RREB1: variants seen among roughly 807,000 people sequenced by gnomAD.
The protein encoded by RREB1 is ras responsive element binding protein 1, also known as ras-responsive element-binding protein 1.
A neutral mutation model predicts 117.8 loss-of-function variants in RREB1; 27 were observed. The ratio of observed to expected loss-of-function variants is 0.23; its 90% CI spans 0.17 to 0.32. RREB1 has a LOEUF of 0.32. RREB1 is among the 10% of genes least tolerant of loss of function. The probability of loss-of-function intolerance (pLI) is 1.00; values close to 1 mark genes in which losing one functional copy is unlikely to be tolerated. For missense variants in RREB1, 2,577 were observed against 2,378.2 expected (o/e 1.08, Z -1.74); for synonymous variants, 1,298 against 1,026.7 (o/e 1.26, Z -5.05).
intron 10 of RREB1, among the ~76,000 whole-genome samples, chr6:7,236,274 G>A (rs1328053146): frequency 6.6e-6 from 1 of 152,160 alleles, no homozygotes; most frequent in East Asian, 1.9e-4. Flanking sequence ...ATGGGCTTGG[G>A]ACTATGGGGT....
At position 7,229,487 on chromosome 6, in the gene RREB1, C is replaced by T. The variant is rs753485408; in HGVS notation, c.1388C>T (p.Ser463Leu). 6 of 1,614,150 alleles carry T rather than the reference C, an allele frequency of 3.7e-6. No homozygotes were observed. Among genetic ancestry groups the T allele is most frequent in the East Asian group, 2.2e-5 (1 of 44,888 alleles). ...GTGGTCAAGCCCATCTCTGGCGAGT[C>T]GGCCATCGAGCTGGCAGACATCCAG... Reference protein sequence around the residue: ...SIVVKPISGESAIELADIQQI... With the variant: ...SIVVKPISGELAIELADIQQI... Residue 463 changes from serine (S) to leucine (L), a missense_variant, in exon 10 of 13, where the codon TCG (serine) becomes TTG (leucine). Physicochemically the swap from Ser to Leu is moderately radical, Grantham distance 145 (BLOSUM62 -2). Transcript: ENST00000379938. This position sits in a 1 kb window ranked among gnomAD's most constrained non-coding sequence, Gnocchi z 4.5.
At chr6:7,132,086 C>T (rs1465967058) in intron 1 of RREB1, among the ~76,000 whole-genome samples, 2 of 152,032 alleles carry the variant, frequency 1.3e-5, no homozygotes, top group Non-Finnish European at 2.9e-5. Flanking sequence ...CAGAGTTTTG[C>T]TCTTGTTGCC....
intron 8 of RREB1, 62 bp downstream of exon 8, chr6:7,211,771 C>T: frequency 6.4e-7 from 1 of 1,562,184 alleles, no homozygotes; most frequent in Non-Finnish European, 8.8e-7. Context: ...TGACAATGTT[C>T]TTAAGTCCCG....
rs1581604518 is a variant in RREB1, at chr6:7,249,222, T to C, written c.*254T>C. 2.2e-6 allele frequency: 1 copy of C among 454,902 alleles called. No individual in the cohort carries two copies. Among genetic ancestry groups the C allele is most frequent in the East Asian group, 3.3e-5 (1 of 30,418 alleles). 28.2% of individuals were successfully genotyped at this position (454,902 alleles called of 1,614,324 possible). ...CTTACCGGATCCCTCCATATTATCA[T>C]GGGTGTTGTATTTTTCCAAAATGAC... On this transcript the variant is annotated 3_prime_UTR_variant, in exon 13 of 13. Coordinates refer to ENST00000379938, the MANE Select transcript of RREB1 (RefSeq NM_001003699.4).
chr6:7,156,619 G>A (rs529392962), intron 1 of RREB1, among the ~76,000 whole-genome samples: 1 of 152,172 alleles, frequency 6.6e-6, no homozygotes, highest in Non-Finnish European at 1.5e-5. Context: ...TCTCCTTTTG[G>A]AGACCTGGTG....
chr6:7,181,407 C>T (rs560014209), intron 3 of RREB1, 161 bp downstream of exon 3: 300 of 400,988 alleles, frequency 7.5e-4, no homozygotes, highest in Non-Finnish European at 1.1e-3. Context: ...TTCAGGCTCC[C>T]CATCAGAATC....
chr6:7,124,110 T>C (rs1490618099), intron 1 of RREB1, among the ~76,000 whole-genome samples: 2 of 152,194 alleles, frequency 1.3e-5, no homozygotes, highest in African/African-American at 4.8e-5. Context: ...ACCGGGGTGG[T>C]CACCCGTCTG....
rs908093536 is a variant in RREB1, at chr6:7,229,750, A to G, written c.1651A>G (p.Lys551Glu). ...GCCGCCACCGCCCCTGAAGCTCCTCAAAGGCTCAGTGGAGGCGGCCTCCAA... is the reference window on the plus strand; with the variant it reads ...GCCGCCACCGCCCCTGAAGCTCCTCGAAGGCTCAGTGGAGGCGGCCTCCAA... Reference protein sequence around the residue: ...SLPPPPLKLLKGSVEAASNAH... With the variant: ...SLPPPPLKLLEGSVEAASNAH... The change falls in exon 10 of 13, where the codon AAA becomes GAA. Residue 551 changes from lysine (K) to glutamate (E), a missense_variant. Lys to Glu is a moderately conservative substitution (Grantham distance 56). Coordinates refer to ENST00000379938, the MANE Select transcript of RREB1 (RefSeq NM_001003699.4). This position sits in a 1 kb window ranked among gnomAD's most constrained non-coding sequence, Gnocchi z 4.5. 1 of 1,604,152 alleles carries G rather than the reference A, an allele frequency of 6.2e-7. No individual in the cohort carries two copies. Among genetic ancestry groups the G allele is most frequent in the Admixed American group, 1.7e-5 (1 of 59,494 alleles).
intron 6 of RREB1, among the ~76,000 whole-genome samples, chr6:7,196,030 C>G (rs542087040): frequency 1.3e-5 from 2 of 152,162 alleles, no homozygotes; most frequent in African/African-American, 4.8e-5. Context: ...CAGTTGACAA[C>G]TACACAGCTT....
At chr6:7,201,689 T>G (rs1367922516) in intron 6 of RREB1, among the ~76,000 whole-genome samples, 1 of 152,124 alleles carries the variant, frequency 6.6e-6, no homozygotes, top group African/African-American at 2.4e-5. Context: ...TGGAGACAGA[T>G]TTTGTATTTC....
At position 7,240,506 on chromosome 6, in the gene RREB1, C is replaced by G; in HGVS notation, c.3877C>G (p.Gln1293Glu). 1 of 1,613,934 alleles carries G rather than the reference C, an allele frequency of 6.2e-7. No individual in the cohort carries two copies. The highest frequency in any genetic ancestry group is 8.5e-7 in the Non-Finnish European group (1 of 1,179,908). The change falls in exon 11 of 13, where the codon CAG becomes GAG. Residue 1293 changes from glutamine (Q) to glutamate (E), a missense_variant. Physicochemically the swap from Gln to Glu is conservative, Grantham distance 29. Coordinates refer to ENST00000379938, the MANE Select transcript of RREB1 (RefSeq NM_001003699.4). The stretch of plus-strand genomic sequence containing the variant: ...TACCAAATCTAACTGTGAACGCCAC[C>G]AGTTGCGCAAACACGGAGTTACCAC... ...FSTKSNCERH[Q>E]LRKHGVTTCS...
chr6:7,192,730 T>G (rs1192109010), intron 6 of RREB1, among the ~76,000 whole-genome samples: 1 of 152,344 alleles, frequency 6.6e-6, no homozygotes. Context: ...TATTGATCTT[T>G]TCAAATAACC....
chr6:7,231,064 C>T lies in RREB1; in HGVS notation c.2965C>T (p.Leu989=). The change falls in exon 10 of 13, where the codon CTG becomes TTG. Residue 989 remains leucine (L), a synonymous_variant. Coordinates refer to ENST00000379938, the MANE Select transcript of RREB1 (RefSeq NM_001003699.4). ...LPVTLGPSGI[L]ESPMAPAPAA... ...TGTAACTTTGGGGCCCAGCGGAATC[C>T]TGGAAAGCCCCATGGCCCCTGCTCC... The T allele has an allele frequency of 1.2e-6, 2 of 1,613,636 alleles. No homozygotes were observed. Among genetic ancestry groups the T allele is most frequent in the Non-Finnish European group, 1.7e-6 (2 of 1,179,980 alleles).
At chr6:7,130,973 C>CT (rs1344697602) in intron 1 of RREB1, among the ~76,000 whole-genome samples, 1 of 110,598 alleles carries the variant, frequency 9.0e-6, no homozygotes, top group East Asian at 3.2e-4. Context: ...GAGTCTTGCT[C>CT]TGTCGCCCAG....
chr6:7,228,359 G>T (rs957358551), intron 9 of RREB1, among the ~76,000 whole-genome samples: 1 of 152,020 alleles, frequency 6.6e-6, no homozygotes, highest in African/African-American at 2.4e-5. Flanking sequence ...TTGTGGTATT[G>T]TTACTTAACT....
At chr6:7,144,792 C>T (rs555411107) in intron 1 of RREB1, among the ~76,000 whole-genome samples, 17 of 152,344 alleles carry the variant, frequency 1.1e-4, no homozygotes, top group Non-Finnish European at 2.2e-4. Context: ...CAGTAAACAT[C>T]TTACAGCAAC....
rs771721784 is a variant in RREB1, at chr6:7,229,800, C to A, written c.1701C>A (p.Ser567=). The A allele has an allele frequency of 7.5e-6, 12 of 1,610,430 alleles. No individual in the cohort carries two copies. The South Asian group carries it at 1.2e-4, about 16-fold the overall frequency. The change falls in exon 10 of 13, where the codon TCC becomes TCA. Residue 567 remains serine, a synonymous_variant. Transcript: ENST00000379938. This position sits in a 1 kb window ranked among gnomAD's most constrained non-coding sequence, Gnocchi z 4.5. ...ACGCCCACCTGCTGCAGTCCAAGTC[C>A]GGGACCCAGCCCCACGCGGCCACGC... ...ASNAHLLQSK[S]GTQPHAATRL...
intron 1 of RREB1, among the ~76,000 whole-genome samples, chr6:7,124,960 A>G (rs1489117698): frequency 6.6e-6 from 1 of 152,254 alleles, no homozygotes; most frequent in East Asian, 1.9e-4. Context: ...TCACCAAACA[A>G]GAACTCACTG....
intron 1 of RREB1, among the ~76,000 whole-genome samples, chr6:7,156,726 G>A (rs1763381527): frequency 6.6e-6 from 1 of 152,238 alleles, no homozygotes. Flanking sequence ...TAACAGGCTT[G>A]CCTGTAACAG....
Sources: allele counts gnomAD v4.1 joint callset (sites outside exome capture counted in the v4.1 genomes callset), GRCh38; gene constraint gnomAD v4.1.1; non-coding constraint Gnocchi (gnomAD v3.1); transcripts MANE v1.5; gene names NCBI Gene and HGNC (gene_info 2026-07-23, HGNC 2026-07-21).